Variants in PCDHGB2 observed in about 807,000 individuals in gnomAD.
PCDHGB2 encodes protocadherin gamma subfamily B, 2.
PCDHGB2 carries 55 observed loss-of-function variants against 59.3 expected under a neutral mutation model. The ratio of observed to expected loss-of-function variants is 0.93; its 90% CI spans 0.75 to 1.16. The LOEUF (loss-of-function observed/expected upper bound fraction) is 1.16. PCDHGB2 is among the 50% of genes most tolerant of loss of function. The probability of loss-of-function intolerance (pLI) is 0.00; values close to 1 mark genes in which losing one functional copy is unlikely to be tolerated. For missense variants in PCDHGB2, 1,228 were observed against 1,198.5 expected (o/e 1.02, Z -0.36); for synonymous variants, 516 against 512.0 (o/e 1.01, Z -0.11).
intron 1 of PCDHGB2, chr5:141,413,132 A>C (rs1313665743): frequency 1.3e-6 from 2 of 1,542,144 alleles, no homozygotes; most frequent in Admixed American, 4.0e-5. Context: ...GAAACACACA[A>C]CGTGTCCAGT....
intron 1 of PCDHGB2, chr5:141,409,705 G>A (rs747252229): frequency 6.2e-6 from 10 of 1,613,134 alleles, no homozygotes; most frequent in Non-Finnish European, 7.6e-6. Flanking sequence ...CCCTGGCGGT[G>A]TCGTCATACG....
At chr5:141,423,248 C>A in intron 1 of PCDHGB2, 1 of 1,613,888 alleles carries the variant, frequency 6.2e-7, no homozygotes, top group Non-Finnish European at 8.5e-7. Context: ...GAAGTCCTGG[C>A]GGACCTCGGC....
intron 1 of PCDHGB2, among the ~76,000 whole-genome samples, chr5:141,459,221 G>A (rs1028895845): frequency 9.2e-5 from 14 of 152,154 alleles, no homozygotes; most frequent in African/African-American, 3.1e-4. Flanking sequence ...TCCAGCTCCA[G>A]GCAACAACTG....
intron 1 of PCDHGB2, chr5:141,421,256 G>A (rs1205670837): frequency 1.2e-6 from 2 of 1,607,696 alleles, no homozygotes; most frequent in African/African-American, 1.3e-5. Flanking sequence ...CGCGGGGACC[G>A]CAGTCGGCTG....
chr5:141,460,924 A>ATG (rs1333352687), intron 1 of PCDHGB2, among the ~76,000 whole-genome samples: 26 of 150,590 alleles, frequency 1.7e-4, no homozygotes, highest in South Asian at 6.3e-4. Flanking sequence ...ATATATATAT[A>ATG]TGTGTGTGTG....
At chr5:141,403,236 T>G in intron 1 of PCDHGB2, 1 of 1,613,908 alleles carries the variant, frequency 6.2e-7, no homozygotes, top group South Asian at 1.1e-5. Flanking sequence ...CGGGAGGAGC[T>G]CTGTGCTCAG....
At chr5:141,425,214 A>G (rs999893857) in intron 1 of PCDHGB2, among the ~76,000 whole-genome samples, 2 of 152,178 alleles carry the variant, frequency 1.3e-5, no homozygotes, top group Non-Finnish European at 2.9e-5. Context: ...AAGGCATTGT[A>G]CTTTGACTGG....
At chr5:141,389,364 C>CT (rs963046088) in intron 1 of PCDHGB2, 1 of 1,613,736 alleles carries the variant, frequency 6.2e-7, no homozygotes, top group African/African-American at 1.3e-5. Context: ...GGCCAGTGAC[C>CT]TGGAGCAGCG....
chr5:141,465,800 C>G (rs1486100601), intron 1 of PCDHGB2, among the ~76,000 whole-genome samples: 2 of 151,524 alleles, frequency 1.3e-5, no homozygotes, highest in East Asian at 3.9e-4. Flanking sequence ...TTTAAGAAAC[C>G]CTTCAGGATC....
At chr5:141,437,660 G>A (rs1021986333) in intron 1 of PCDHGB2, among the ~76,000 whole-genome samples, 6 of 151,866 alleles carry the variant, frequency 4.0e-5, no homozygotes, top group Non-Finnish European at 5.9e-5. Flanking sequence ...ACATAGTTTC[G>A]AAGAGATGTT....
At chr5:141,505,532 G>A in intron 3 of PCDHGB2, 51 bp downstream of exon 3, 2 of 1,611,270 alleles carry the variant, frequency 1.2e-6, no homozygotes, top group Non-Finnish European at 1.7e-6. Context: ...GGGGTTCTGG[G>A]GTGCATCTCA....
At chr5:141,433,031 T>G (rs2097561851) in intron 1 of PCDHGB2, 2 of 1,614,088 alleles carry the variant, frequency 1.2e-6, no homozygotes, top group Non-Finnish European at 8.5e-7. Flanking sequence ...CCACGAGGTT[T>G]CCCTCACCAC....
intron 1 of PCDHGB2, chr5:141,427,254 G>A (rs1013561568): frequency 1.8e-5 from 8 of 456,644 alleles, no homozygotes; most frequent in Non-Finnish European, 2.6e-5. Flanking sequence ...GGATGGTGGA[G>A]GCATGACCAG....
chr5:141,413,748 T>C (rs1264580781), intron 1 of PCDHGB2: 2 of 1,613,288 alleles, frequency 1.2e-6, no homozygotes, highest in Non-Finnish European at 1.7e-6. Context: ...GCCGTGCCAA[T>C]GGCGTCAAGT....
chr5:141,393,465 G>T, intron 1 of PCDHGB2: 1 of 1,614,048 alleles, frequency 6.2e-7, no homozygotes, highest in Non-Finnish European at 8.5e-7. Context: ...CTCGGATGGC[G>T]GCAAGCCGCC....
intron 1 of PCDHGB2, among the ~76,000 whole-genome samples, chr5:141,381,826 C>CTT (rs770630741): frequency 0.12 from 9,186 of 74,154 alleles, 568 homozygotes; most frequent in African/African-American, 0.16. Context: ...CTTTCTTCTT[C>CTT]TTTTTTTTTT....
chr5:141,391,198 C>T (rs2092314570), intron 1 of PCDHGB2: 1 of 152,156 alleles, frequency 6.6e-6, no homozygotes, highest in South Asian at 2.1e-4. Context: ...AAAATATATA[C>T]AAAATACCAA....
chr5:141,364,841 C>A, intron 1 of PCDHGB2: 1 of 1,613,988 alleles, frequency 6.2e-7, no homozygotes, highest in Non-Finnish European at 8.5e-7. Flanking sequence ...CCGGAGTTAC[C>A]AGCTCAGCTC....
chr5:141,485,172 C>T lies in PCDHGB2; in HGVS notation c.2422-9635C>T, dbSNP rs377648315. 3.9e-5 allele frequency: 62 copies of T among 1,610,044 alleles called. No individual in the cohort carries two copies. The highest frequency in any genetic ancestry group is 5.1e-5 in the Non-Finnish European group (60 of 1,176,944). On this transcript the variant is annotated intron_variant, in intron 1 of 3. Coordinates refer to ENST00000522605, the MANE Select transcript of PCDHGB2 (RefSeq NM_018923.3). The surrounding 1 kb of genome is among the most constrained non-coding windows in gnomAD (Gnocchi z 5.7). ...CAAGTAGAGAATTAGCGGGCGGCAGCAATGCTCCGCAAGGTGAGAAGCTGG... is the reference window on the plus strand; with the variant it reads ...CAAGTAGAGAATTAGCGGGCGGCAGTAATGCTCCGCAAGGTGAGAAGCTGG...
Sources: gnomAD v4.1 joint callset for allele counts (sites outside exome capture counted in the v4.1 genomes callset) on GRCh38, gnomAD v4.1.1 for gene constraint, Gnocchi (gnomAD v3.1) non-coding constraint, MANE v1.5 for transcripts, NCBI Gene and HGNC (gene_info 2026-07-23, HGNC 2026-07-21) for gene names.